The following PAPSS2 variants were observed in gnomAD, a reference collection of about 807,000 sequenced individuals.
PAPSS2 encodes 3'-phosphoadenosine 5'-phosphosulfate synthase 2.
In PAPSS2, 61 loss-of-function variants were observed where a neutral mutation model predicts 66.5. The observed-to-expected ratio is 0.92, with a 90% CI of 0.75 to 1.14. The LOEUF (loss-of-function observed/expected upper bound fraction) is 1.14. Ranked by LOEUF, PAPSS2 falls within the 50% of genes most tolerant of loss-of-function variation. The pLI is 0.00. For synonymous variants in PAPSS2, 289 were observed against 287.5 expected (o/e 1.01, Z -0.05); for missense variants, 708 against 789.6 (o/e 0.90, Z 1.24).
chr10:87,712,985 T>C, intron 2 of PAPSS2, 90 bp from the exon 3 acceptor site: 4 of 762,404 alleles, frequency 5.2e-6, no homozygotes, highest in Non-Finnish European at 9.4e-6. Flanking sequence ...TTTTAAGATT[T>C]AGTTATATTT....
At chr10:87,702,053 G>T (rs1275350714) in intron 1 of PAPSS2, among the ~76,000 whole-genome samples, 1 of 152,176 alleles carries the variant, frequency 6.6e-6, no homozygotes, top group African/African-American at 2.4e-5. Flanking sequence ...ATATTCAAAA[G>T]AACTAATCGG....
intron 1 of PAPSS2, among the ~76,000 whole-genome samples, chr10:87,685,666 A>G (rs982671706): frequency 1.3e-5 from 2 of 152,220 alleles, no homozygotes; most frequent in Non-Finnish European, 2.9e-5. Flanking sequence ...CTTGAGTGAC[A>G]GAGTGAGACC....
chr10:87,700,297 A>T (rs767455237), intron 1 of PAPSS2, among the ~76,000 whole-genome samples: 7 of 152,200 alleles, frequency 4.6e-5, no homozygotes, highest in Non-Finnish European at 1.0e-4. Flanking sequence ...TCGCAACAAA[A>T]CTTGCATAAT....
chr10:87,662,411 AAATT>A (rs971170773), intron 1 of PAPSS2, among the ~76,000 whole-genome samples: 4 of 152,136 alleles, frequency 2.6e-5, no homozygotes, highest in African/African-American at 9.7e-5. Context: ...TAGAAAAAAT[AAATT>A]AAGTGTTCTT....
At chr10:87,712,211 G>A (rs899162170) in intron 2 of PAPSS2, among the ~76,000 whole-genome samples, 9 of 152,018 alleles carry the variant, frequency 5.9e-5, no homozygotes, top group East Asian at 1.9e-4. Flanking sequence ...AGCTCAGGCC[G>A]GCTTCCTGTC....
At position 87,727,285 on chromosome 10, in the gene PAPSS2, T is replaced by C. The variant is rs762509625; in HGVS notation, c.882T>C (p.Asp294=). The C allele has an allele frequency of 3.1e-6, 5 of 1,612,772 alleles. No homozygotes were observed. The highest frequency in any genetic ancestry group is 4.2e-6 in the Non-Finnish European group (5 of 1,179,854). ...TGCATCACATGGCTCTTTCCACAGA[T>C]GGCGTGATCAACATGAGCATCCCCA... ...DTLLDGMALP[D]GVINMSIPIV... The change falls in exon 9 of 13, where the codon GAT becomes GAC. Residue 294 remains aspartate (D), a splice_region_variant and synonymous_variant. Transcript: ENST00000456849.
chr10:87,724,841 T>G (rs997544620), intron 8 of PAPSS2, among the ~76,000 whole-genome samples: 36 of 52,586 alleles, frequency 6.8e-4, no homozygotes, highest in African/African-American at 3.8e-3. Flanking sequence ...ATACAATAAA[T>G]CTCTGTCTAT....
chr10:87,745,919 C>G lies in PAPSS2; in HGVS notation c.1809C>G (p.Pro603=). 2 of 1,614,018 alleles carry G rather than the reference C, an allele frequency of 1.2e-6. No individual in the cohort carries two copies. Among genetic ancestry groups the G allele is most frequent in the Non-Finnish European group, 1.7e-6 (2 of 1,179,916 alleles). Residue 603 remains proline (P), a synonymous_variant, in exon 13 of 13, where the codon CCC becomes CCG. Transcript: ENST00000456849. ...ATCCCCCAGATGGCTTCATGGCCCC[C>G]AAAGCATGGAAGGTCCTGACAGATT... ...GENPPDGFMA[P]KAWKVLTDYY... is the part of the protein sequence containing the mutation.
At chr10:87,710,296 G>A (rs1382234390) in intron 2 of PAPSS2, among the ~76,000 whole-genome samples, 2 of 152,134 alleles carry the variant, frequency 1.3e-5, no homozygotes, top group African/African-American at 4.8e-5. Context: ...TTGGTTTCCT[G>A]GTTTCATTCA....
At chr10:87,682,380 G>A (rs1377012080) in intron 1 of PAPSS2, among the ~76,000 whole-genome samples, 1 of 152,110 alleles carries the variant, frequency 6.6e-6, no homozygotes, top group African/African-American at 2.4e-5. Context: ...CTTGGTTTTT[G>A]GCAGATTTAA....
At chr10:87,708,970 T>C (rs770376267) in intron 1 of PAPSS2, among the ~76,000 whole-genome samples, 2 of 152,114 alleles carry the variant, frequency 1.3e-5, no homozygotes, top group Non-Finnish European at 2.9e-5. Flanking sequence ...GACTCACAGC[T>C]AAGAAAAATA....
intron 1 of PAPSS2, among the ~76,000 whole-genome samples, chr10:87,670,579 C>T (rs1852864841): frequency 1.4e-5 from 2 of 141,726 alleles, no homozygotes; most frequent in African/African-American, 5.8e-5. Flanking sequence ...AGATGGAGCA[C>T]ACACACACAC....
At chr10:87,744,762 G>C (rs185945514) in intron 11 of PAPSS2, among the ~76,000 whole-genome samples, 349 of 152,286 alleles carry the variant, frequency 2.3e-3, no homozygotes, top group African/African-American at 7.8e-3. Flanking sequence ...TTGGAGAAGA[G>C]ATGAGGAAAT....
chr10:87,683,599 C>T (rs910678280), intron 1 of PAPSS2, among the ~76,000 whole-genome samples: 2 of 152,078 alleles, frequency 1.3e-5, no homozygotes, highest in African/African-American at 2.4e-5. Flanking sequence ...AATCATTTGT[C>T]TTCTATTGGA....
chr10:87,662,667 A>G (rs1852767401), intron 1 of PAPSS2, among the ~76,000 whole-genome samples: 1 of 151,142 alleles, frequency 6.6e-6, no homozygotes. Context: ...TTCCTCTTAC[A>G]TCATTTCCTG....
At chr10:87,731,554 A>T (rs530879690) in intron 9 of PAPSS2, among the ~76,000 whole-genome samples, 28 of 152,348 alleles carry the variant, frequency 1.8e-4, no homozygotes, top group Middle Eastern at 3.4e-3. Flanking sequence ...ATGTGGGCAA[A>T]GTAAACTGAA....
At chr10:87,739,864 GATTATTAAATCTTGGCC>G (rs1853845656) in intron 9 of PAPSS2, among the ~76,000 whole-genome samples, 1 of 152,170 alleles carries the variant, frequency 6.6e-6, no homozygotes, top group South Asian at 2.1e-4. Flanking sequence ...CTGTAAAAGC[GATTATTAAATCTTGGCC>G]CTTGAGTCCC....
At chr10:87,709,433 G>A (rs551515805) in intron 2 of PAPSS2, 120 bp downstream of exon 2, 1 of 636,600 alleles carries the variant, frequency 1.6e-6, no homozygotes, top group East Asian at 3.0e-5. Flanking sequence ...GAGGCTGGGA[G>A]ATGTAGTAGA....
chr10:87,726,268 A>G (rs1365497059), intron 8 of PAPSS2, among the ~76,000 whole-genome samples: 1 of 152,136 alleles, frequency 6.6e-6, no homozygotes, highest in Non-Finnish European at 1.5e-5. Context: ...CGTCTCTACT[A>G]AAAATACAAA....
Sources: allele counts gnomAD v4.1 joint callset (sites outside exome capture counted in the v4.1 genomes callset), GRCh38; gene constraint gnomAD v4.1.1; transcripts MANE v1.5; gene names NCBI Gene and HGNC (gene_info 2026-07-23, HGNC 2026-07-21).